Variants in GAS7 observed in about 807,000 individuals in gnomAD.
GAS7 encodes growth arrest-specific protein 7.
A neutral mutation model predicts 71.1 loss-of-function variants in GAS7; 28 were observed. That is an observed-to-expected ratio of 0.39 (90% CI 0.29 to 0.54). The LOEUF (loss-of-function observed/expected upper bound fraction) is 0.54. Ranked by LOEUF, GAS7 falls within the 20% of genes least tolerant of loss-of-function variation. The probability of loss-of-function intolerance (pLI) is 0.62; values close to 1 mark genes in which losing one functional copy is unlikely to be tolerated. For synonymous variants in GAS7, 258 were observed against 245.8 expected (o/e 1.05, Z -0.46); for missense variants, 436 against 627.8 (o/e 0.69, Z 3.27).
intron 1 of GAS7, among the ~76,000 whole-genome samples, chr17:10,045,463 G>T (rs907305278): frequency 6.6e-6 from 1 of 152,138 alleles, no homozygotes; most frequent in Non-Finnish European, 1.5e-5. Flanking sequence ...TTGGGAGGCC[G>T]AGGCAGGTGG....
Position 10,016,615 on chromosome 17 carries a change from A to AC in GAS7, c.304+3161_304+3162insG, listed in dbSNP as rs1555523663. Among the ~76,000 whole-genome samples the AC allele has an allele frequency of 2.7e-3, 398 of 147,320 alleles. 3 individuals are homozygous for AC. In the Middle Eastern group the frequency reaches 0.045, roughly 17 times the overall value. ...CCCTGTCTCTACCAAAAAAAAAAAA[A>AC]AAAAAAAAACAAAACAAAAAAAACT... On this transcript the variant is annotated intron_variant, in intron 2 of 13. Transcript: ENST00000432992.
chr17:9,965,536 G>A (rs1232630736), intron 4 of GAS7, among the ~76,000 whole-genome samples: 1 of 152,102 alleles, frequency 6.6e-6, no homozygotes, highest in African/African-American at 2.4e-5. Flanking sequence ...AGAGGAGGGA[G>A]AGCATTAGGA....
intron 1 of GAS7, among the ~76,000 whole-genome samples, chr17:10,093,483 C>T (rs147255873): frequency 0.028 from 4,139 of 146,906 alleles, 78 homozygotes; most frequent in Middle Eastern, 0.049. Context: ...GCAGGAGAAT[C>T]GCTTGAACCC....
intron 1 of GAS7, among the ~76,000 whole-genome samples, chr17:10,057,064 G>A (rs537605386): frequency 7.9e-5 from 12 of 152,310 alleles, no homozygotes; most frequent in African/African-American, 2.2e-4. Context: ...CCGAGGTGCC[G>A]TGATTGCAGA....
At chr17:9,943,818 G>A (rs562335734) in intron 6 of GAS7, among the ~76,000 whole-genome samples, 1 of 152,338 alleles carries the variant, frequency 6.6e-6, no homozygotes, top group African/African-American at 2.4e-5. Flanking sequence ...TGAAATACTA[G>A]CTGGGTGACC....
At chr17:9,960,838 C>T (rs1278495720) in intron 4 of GAS7, among the ~76,000 whole-genome samples, 1 of 152,238 alleles carries the variant, frequency 6.6e-6, no homozygotes, top group African/African-American at 2.4e-5. Flanking sequence ...ATGAACCTTA[C>T]AGAGCATTAA....
intron 2 of GAS7, among the ~76,000 whole-genome samples, chr17:10,016,623 A>C (rs866864447): frequency 3.9e-4 from 56 of 144,930 alleles, no homozygotes; most frequent in Non-Finnish European, 7.8e-4. Context: ...AAAAAAAAAA[A>C]ACAAAACAAA....
At chr17:10,081,676 C>T (rs569308254) in intron 1 of GAS7, among the ~76,000 whole-genome samples, 2 of 152,248 alleles carry the variant, frequency 1.3e-5, no homozygotes, top group East Asian at 3.9e-4. Flanking sequence ...TGAAAACAGA[C>T]ACGACCTGAC....
chr17:10,174,043 A>G (rs763630933), intron 1 of GAS7, among the ~76,000 whole-genome samples: 4 of 152,180 alleles, frequency 2.6e-5, no homozygotes, highest in Non-Finnish European at 4.4e-5. Context: ...CCACATATGA[A>G]TAAGTGAATA....
In GAS7 at chr17:10,102,892, T is replaced by C. The variant is rs932067891; in HGVS notation, c.184-82995A>G. Among the ~76,000 whole-genome samples, 3 of 152,214 alleles carry C rather than the reference T, an allele frequency of 2.0e-5. No homozygotes were observed. The East Asian group carries it at 5.8e-4, about 29-fold the overall frequency. On this transcript the variant is annotated intron_variant, in intron 1 of 13. Coordinates refer to ENST00000432992, the MANE Select transcript of GAS7 (RefSeq NM_201433.2). ...TACTCTGCCCCAAATGAATGTTCAA[T>C]AGGCGAGTAATTAGGCATATCCTGG...
intron 1 of GAS7, among the ~76,000 whole-genome samples, chr17:10,061,963 C>T (rs952867639): frequency 2.6e-5 from 4 of 152,166 alleles, no homozygotes; most frequent in African/African-American, 9.7e-5. Context: ...AAACACTCAA[C>T]AATGCACAGG....
chr17:9,929,217 A>G (rs1160789156), intron 9 of GAS7, among the ~76,000 whole-genome samples: 1 of 152,204 alleles, frequency 6.6e-6, no homozygotes, highest in Non-Finnish European at 1.5e-5. Flanking sequence ...CTCTAAGGAC[A>G]TGGAAAGCAA....
chr17:10,161,802 T>C (rs780004991), intron 1 of GAS7, among the ~76,000 whole-genome samples: 4 of 152,086 alleles, frequency 2.6e-5, no homozygotes, highest in African/African-American at 7.2e-5. Flanking sequence ...CGGTGGCTCA[T>C]GCGTGTAATC....
intron 1 of GAS7, among the ~76,000 whole-genome samples, chr17:10,120,748 C>T (rs572393854): frequency 6.6e-6 from 1 of 152,088 alleles, no homozygotes. Flanking sequence ...AAAAGCACAG[C>T]GAAGATTCTC....
chr17:10,090,665 T>C (rs756751688), intron 1 of GAS7, among the ~76,000 whole-genome samples: 2 of 152,160 alleles, frequency 1.3e-5, no homozygotes, highest in South Asian at 2.1e-4. Context: ...AACACCTGCT[T>C]TCCCTCAATG....
chr17:10,078,033 G>A (rs1003842543), intron 1 of GAS7, among the ~76,000 whole-genome samples: 4 of 151,396 alleles, frequency 2.6e-5, no homozygotes, highest in Non-Finnish European at 5.9e-5. Context: ...AGTACATGCG[G>A]AAGTTTGTTG....
At chr17:10,151,533 G>A (rs1326391491) in intron 1 of GAS7, among the ~76,000 whole-genome samples, 5 of 151,906 alleles carry the variant, frequency 3.3e-5, no homozygotes, top group East Asian at 1.9e-4. Context: ...ATCAATCTAC[G>A]TACCTACCTA....
intron 1 of GAS7, among the ~76,000 whole-genome samples, chr17:10,095,643 A>G (rs1354854183): frequency 1.3e-5 from 2 of 151,914 alleles, no homozygotes; most frequent in Non-Finnish European, 2.9e-5. Flanking sequence ...AACATGGTGA[A>G]ACCCTGTCTC....
At position 10,005,149 on chromosome 17, in the gene GAS7, G is replaced by GTGTATGTACATGCATA. The variant is rs1567879895; in HGVS notation, c.304+14627_304+14628insTATGCATGTACATACA. Among the ~76,000 whole-genome samples, 453 of 88,430 alleles carry GTGTATGTACATGCATA rather than the reference G, an allele frequency of 5.1e-3. 2 individuals are homozygous for GTGTATGTACATGCATA. Among genetic ancestry groups the GTGTATGTACATGCATA allele is most frequent in the African/African-American group, 0.011 (420 of 37,870 alleles). The allele number at this position is 88,430 out of a possible 152,430, so 58.0% of individuals were successfully genotyped here. On this transcript the variant is annotated intron_variant, in intron 2 of 13. Transcript: ENST00000432992. ...TACCAGCATGTGTGCGCGCACGCAT[G>GTGTATGTACATGCATA]CATGCATGTGTGTGCGCACGCATGC...
Sources: allele counts gnomAD v4.1 joint callset (sites outside exome capture counted in the v4.1 genomes callset), GRCh38; gene constraint gnomAD v4.1.1; transcripts MANE v1.5; gene names NCBI Gene and HGNC (gene_info 2026-07-23, HGNC 2026-07-21).